The following IL1RAPL1 variants were observed in gnomAD, a reference collection of about 807,000 sequenced individuals.
IL1RAPL1 encodes interleukin 1 receptor accessory protein like 1.
IL1RAPL1 carries 3 observed loss-of-function variants against 48.4 expected under a neutral mutation model. The observed-to-expected ratio is 0.06, with a 90% CI of 0.03 to 0.16. The LOEUF (loss-of-function observed/expected upper bound fraction) is 0.16, where lower values mean the gene tolerates loss of function less well. Among genes scored for constraint, IL1RAPL1 ranks in the 10% least tolerant of loss-of-function variants. The probability of loss-of-function intolerance (pLI) is 1.00; values close to 1 mark genes in which losing one functional copy is unlikely to be tolerated. For missense variants in IL1RAPL1, 349 were observed against 530.6 expected (o/e 0.66, Z 3.36); for synonymous variants, 185 against 187.7 (o/e 0.99, Z 0.12).
chrX:29,187,873 C>T (rs1185137148), intron 2 of IL1RAPL1, among the ~76,000 whole-genome samples: 2 of 111,429 alleles, frequency 1.8e-5, no homozygotes, highest in Middle Eastern at 4.6e-3. Context: ...CTGACATTGA[C>T]CAGCCTGAAA....
intron 3 of IL1RAPL1, among the ~76,000 whole-genome samples, chrX:29,328,195 G>T (rs1017561614): frequency 2.1e-4 from 23 of 111,591 alleles, no homozygotes; most frequent in Admixed American, 4.8e-4. Flanking sequence ...ATTTGCTATG[G>T]TATTACTTTT....
At chrX:29,442,317 C>T (rs1284427226) in intron 5 of IL1RAPL1, among the ~76,000 whole-genome samples, 1 of 108,717 alleles carries the variant, frequency 9.2e-6, no homozygotes, top group Non-Finnish European at 1.9e-5. Flanking sequence ...GGAAAGGACT[C>T]CCTTTTCAAC....
intron 2 of IL1RAPL1, among the ~76,000 whole-genome samples, chrX:28,908,499 A>T (rs1235891302): frequency 9.0e-6 from 1 of 111,636 alleles, no homozygotes; most frequent in East Asian, 2.8e-4. Context: ...GAGATTTTCA[A>T]ACTGTCTTTC....
chrX:29,514,951 G>A (rs778730907), intron 5 of IL1RAPL1, among the ~76,000 whole-genome samples: 4 of 111,971 alleles, frequency 3.6e-5, no homozygotes, highest in Non-Finnish European at 7.5e-5. Context: ...ATTCCCTTTT[G>A]CATTATTTAT....
At chrX:29,222,391 C>G (rs958064089) in intron 2 of IL1RAPL1, among the ~76,000 whole-genome samples, 2 of 111,596 alleles carry the variant, frequency 1.8e-5, no homozygotes, top group Non-Finnish European at 3.8e-5. Flanking sequence ...ACTAAGCTCC[C>G]TGAAGGGAGA....
chrX:29,282,355 C>A (rs1932215811), intron 2 of IL1RAPL1, among the ~76,000 whole-genome samples: 1 of 111,987 alleles, frequency 8.9e-6, no homozygotes, highest in Admixed American at 9.5e-5. Flanking sequence ...GTTGCTATAC[C>A]AGCAGAACTT....
chrX:29,486,612 CAAAAAAAAA>C (rs768358495), intron 5 of IL1RAPL1, among the ~76,000 whole-genome samples: 4 of 40,919 alleles, frequency 9.8e-5, no homozygotes, highest in African/African-American at 1.9e-4. Flanking sequence ...AAGTGCTATA[CAAAAAAAAA>C]AAAAAAAAAA....
chrX:29,061,692 C>G lies in IL1RAPL1; in HGVS notation c.83-221246C>G, dbSNP rs769660470. ...CAGGCTGCTCTCAAACTCCTGACCTCAGGTCATCCGCCCACCTCGGTCTCC... is the reference window on the plus strand; with the variant it reads ...CAGGCTGCTCTCAAACTCCTGACCTGAGGTCATCCGCCCACCTCGGTCTCC... On this transcript the variant is annotated intron_variant, in intron 2 of 10. Coordinates refer to ENST00000378993, the MANE Select transcript of IL1RAPL1 (RefSeq NM_014271.4). Among the ~76,000 whole-genome samples the G allele has an allele frequency of 1.8e-5, 2 of 112,280 alleles. 1 individual carries two copies. The highest frequency in any genetic ancestry group is 6.5e-5 in the African/African-American group (2 of 30,889).
intron 6 of IL1RAPL1, among the ~76,000 whole-genome samples, chrX:29,681,208 T>C (rs201705734): frequency 8.9e-6 from 1 of 112,473 alleles, no homozygotes; most frequent in East Asian, 2.8e-4. Flanking sequence ...GATGTCTTGA[T>C]TGGTAAATCG....
At chrX:29,823,474 T>C (rs186540938) in intron 6 of IL1RAPL1, among the ~76,000 whole-genome samples, 3 of 112,206 alleles carry the variant, frequency 2.7e-5, no homozygotes, top group East Asian at 5.6e-4. Context: ...GGAACACAGA[T>C]ACAAATCTGA....
chrX:29,570,814 T>A (rs1328898190), intron 5 of IL1RAPL1, among the ~76,000 whole-genome samples: 1 of 112,492 alleles, frequency 8.9e-6, no homozygotes, highest in Admixed American at 9.4e-5. Flanking sequence ...GATAAGAGTG[T>A]CTAATCTTTA....
At chrX:28,992,202 A>G (rs961223091) in intron 2 of IL1RAPL1, among the ~76,000 whole-genome samples, 1 of 111,807 alleles carries the variant, frequency 8.9e-6, no homozygotes, top group Non-Finnish European at 1.9e-5. Context: ...TAAAACTGCA[A>G]AGTATGGGCT....
chrX:29,954,492 C>T (rs187279493), intron 9 of IL1RAPL1, 30 bp from the exon 10 acceptor site: 3 of 1,167,281 alleles, frequency 2.6e-6, no homozygotes, highest in East Asian at 6.0e-5. Flanking sequence ...AGAGTAGTGA[C>T]TTCGACTTTT....
chrX:29,179,095 A>T (rs948356784), intron 2 of IL1RAPL1, among the ~76,000 whole-genome samples: 3 of 111,138 alleles, frequency 2.7e-5, no homozygotes, highest in African/African-American at 9.8e-5. Flanking sequence ...TTTTGGTTCC[A>T]TATGAACTTT....
chrX:29,235,336 T>G (rs1030604577), intron 2 of IL1RAPL1, among the ~76,000 whole-genome samples: 3 of 111,924 alleles, frequency 2.7e-5, no homozygotes, highest in African/African-American at 9.7e-5. Context: ...ATTGTTTTTA[T>G]CTGACCAGGC....
intron 1 of IL1RAPL1, among the ~76,000 whole-genome samples, chrX:28,781,019 T>C (rs1379129719): frequency 1.8e-5 from 2 of 111,553 alleles, no homozygotes; most frequent in Non-Finnish European, 3.8e-5. Context: ...TAATTATCTC[T>C]TTACATAAAT....
chrX:29,758,610 T>A (rs1185906274), intron 6 of IL1RAPL1, among the ~76,000 whole-genome samples: 1 of 108,781 alleles, frequency 9.2e-6, no homozygotes, highest in Non-Finnish European at 1.9e-5. Flanking sequence ...GCAGGAGAAT[T>A]GCTTGAGCCC....
At chrX:28,991,138 C>T (rs1449673845) in intron 2 of IL1RAPL1, among the ~76,000 whole-genome samples, 1 of 111,599 alleles carries the variant, frequency 9.0e-6, no homozygotes, top group Non-Finnish European at 1.9e-5. Flanking sequence ...GTTATGGAGT[C>T]TTTTAAAGAG....
Position 29,912,737 on chromosome X carries a change from T to A in IL1RAPL1, c.779-4727T>A, listed in dbSNP as rs927714576. Among the ~76,000 whole-genome samples, 5 of 112,324 alleles carry A rather than the reference T, an allele frequency of 4.5e-5. No homozygotes were observed. In the Admixed American group the frequency reaches 4.7e-4, roughly 11 times the overall value. On this transcript the variant is annotated intron_variant, in intron 6 of 10. Coordinates refer to ENST00000378993, the MANE Select transcript of IL1RAPL1 (RefSeq NM_014271.4). ...AATCAAGAGACTATAAAATGGAATA[T>A]GAATGGGTGACTCCCAAAATTCAGA... is the stretch of plus-strand genomic sequence containing the variant.
Sources: allele counts gnomAD v4.1 joint callset (sites outside exome capture counted in the v4.1 genomes callset), GRCh38; gene constraint gnomAD v4.1.1; transcripts MANE v1.5; gene names NCBI Gene and HGNC (gene_info 2026-07-23, HGNC 2026-07-21).